ROBO2: variants seen among roughly 807,000 people sequenced by gnomAD.
ROBO2 encodes roundabout guidance receptor 2.
In ROBO2, 53 loss-of-function variants were observed where a neutral mutation model predicts 160.8. The observed-to-expected ratio is 0.33, with a 90% confidence interval of 0.26 to 0.41. The LOEUF is 0.41. ROBO2 is among the 10% of genes least tolerant of loss of function. The pLI is 1.00. For missense variants in ROBO2, 1,577 were observed against 1,722.4 expected (o/e 0.92, Z 1.49); for synonymous variants, 664 against 611.7 (o/e 1.09, Z -1.26).
chr3:76,647,206 G>C (rs984508802), intron 2 of ROBO2, among the ~76,000 whole-genome samples: 4 of 152,152 alleles, frequency 2.6e-5, no homozygotes, highest in Non-Finnish European at 5.9e-5. Flanking sequence ...GTGTCTCTGA[G>C]GGGGGCTATG....
chr3:76,578,026 GTGTTT>G (rs2085416967), intron 2 of ROBO2, among the ~76,000 whole-genome samples: 1 of 152,040 alleles, frequency 6.6e-6, no homozygotes, highest in Non-Finnish European at 1.5e-5. Context: ...TACAAAACTA[GTGTTT>G]TGCCAATTAA....
At chr3:76,267,682 T>G (rs2107615398) in intron 2 of ROBO2, among the ~76,000 whole-genome samples, 1 of 152,286 alleles carries the variant, frequency 6.6e-6, no homozygotes, top group African/African-American at 2.4e-5. Context: ...TTAAATTCTA[T>G]TAGACTAGTA....
intron 2 of ROBO2, among the ~76,000 whole-genome samples, chr3:75,995,182 G>A (rs970037303): frequency 1.3e-5 from 2 of 152,204 alleles, no homozygotes; most frequent in Admixed American, 1.3e-4. Flanking sequence ...CAAGACAGTA[G>A]GGAAAATGTC....
chr3:75,920,239 C>T (rs1428117432), intron 1 of ROBO2, among the ~76,000 whole-genome samples: 1 of 152,148 alleles, frequency 6.6e-6, no homozygotes, highest in Non-Finnish European at 1.5e-5. Context: ...TCTTTGTTCT[C>T]ATTGGTTTCA....
intron 6 of ROBO2, among the ~76,000 whole-genome samples, chr3:77,543,155 C>CT (rs200560593): frequency 0.015 from 2,203 of 151,564 alleles, 59 homozygotes; most frequent in African/African-American, 0.051. Flanking sequence ...CAGCTTTTCT[C>CT]TTTTTTTTTC....
chr3:76,595,514 A>G (rs2086681406), intron 2 of ROBO2, among the ~76,000 whole-genome samples: 1 of 152,058 alleles, frequency 6.6e-6, no homozygotes, highest in African/African-American at 2.4e-5. Context: ...CAGACTTTTC[A>G]AAGACAACAT....
chr3:77,370,876 A>G (rs546959368), intron 2 of ROBO2, among the ~76,000 whole-genome samples: 1 of 152,242 alleles, frequency 6.6e-6, no homozygotes, highest in East Asian at 1.9e-4. Context: ...ATCGTAAAAT[A>G]TTTACTCTCT....
intron 2 of ROBO2, among the ~76,000 whole-genome samples, chr3:76,083,501 GA>G (rs1169103512): frequency 2.0e-5 from 3 of 151,610 alleles, no homozygotes; most frequent in Admixed American, 1.3e-4. Flanking sequence ...GCATGGGAAG[GA>G]AAAAAAATAC....
intron 2 of ROBO2, among the ~76,000 whole-genome samples, chr3:76,885,174 G>A (rs2073754543): frequency 6.6e-6 from 1 of 152,156 alleles, no homozygotes; most frequent in Non-Finnish European, 1.5e-5. Flanking sequence ...CCATAGATAT[G>A]TAACAGTGTT....
intron 4 of ROBO2, among the ~76,000 whole-genome samples, chr3:77,487,989 TAAG>T (rs1281998704): frequency 1.3e-5 from 2 of 152,188 alleles, no homozygotes; most frequent in South Asian, 4.1e-4. Context: ...CTAAGTAACT[TAAG>T]AGATACTATG....
intron 2 of ROBO2, among the ~76,000 whole-genome samples, chr3:76,574,094 T>C (rs993053160): frequency 6.6e-6 from 1 of 152,116 alleles, no homozygotes; most frequent in African/African-American, 2.4e-5. Flanking sequence ...TTAATACACA[T>C]TATTTTCCGT....
chr3:76,316,964 C>G (rs1052804011), intron 2 of ROBO2, among the ~76,000 whole-genome samples: 1 of 152,214 alleles, frequency 6.6e-6, no homozygotes, highest in African/African-American at 2.4e-5. Context: ...AACCACTACA[C>G]TAGTTCTAAC....
chr3:76,008,795 G>T (rs2066106193), intron 2 of ROBO2, among the ~76,000 whole-genome samples: 1 of 151,926 alleles, frequency 6.6e-6, no homozygotes, highest in Non-Finnish European at 1.5e-5. Context: ...ACAAAAGACA[G>T]TTTAACAAGA....
intron 2 of ROBO2, among the ~76,000 whole-genome samples, chr3:76,539,124 C>T (rs1039141802): frequency 1.3e-5 from 2 of 152,036 alleles, no homozygotes; most frequent in Admixed American, 1.3e-4. Context: ...CGTTCTCACT[C>T]ATAAGTGGGA....
intron 2 of ROBO2, among the ~76,000 whole-genome samples, chr3:76,063,820 T>G (rs2068149079): frequency 6.6e-6 from 1 of 152,182 alleles, no homozygotes; most frequent in Admixed American, 6.5e-5. Flanking sequence ...TTAAGTGGAA[T>G]TGGTGTGTGT....
chr3:76,141,562 GA>G (rs2071671643), intron 2 of ROBO2, among the ~76,000 whole-genome samples: 1 of 151,610 alleles, frequency 6.6e-6, no homozygotes, highest in Admixed American at 6.6e-5. Context: ...AAATAATTTG[GA>G]AAGCAAGTTA....
intron 2 of ROBO2, among the ~76,000 whole-genome samples, chr3:76,986,919 T>A (rs752131687): frequency 5.3e-5 from 8 of 152,152 alleles, no homozygotes; most frequent in Non-Finnish European, 1.0e-4. Context: ...AGAAAGACCA[T>A]GCCAAATTAA....
chr3:77,123,688 C>CATAT (rs36130347), intron 2 of ROBO2, among the ~76,000 whole-genome samples: 4 of 148,336 alleles, frequency 2.7e-5, no homozygotes, highest in African/African-American at 4.9e-5. Flanking sequence ...CAGCAGCTTT[C>CATAT]ATATATATAT....
At chr3:77,287,225 C>A (rs754694792) in intron 2 of ROBO2, among the ~76,000 whole-genome samples, 1 of 152,212 alleles carries the variant, frequency 6.6e-6, no homozygotes, top group Middle Eastern at 3.2e-3. Flanking sequence ...TCTATGCACA[C>A]ATGCTACCAT....
Sources: gnomAD v4.1 joint callset for allele counts (sites outside exome capture counted in the v4.1 genomes callset) on GRCh38, gnomAD v4.1.1 for gene constraint, MANE v1.5 for transcripts, NCBI Gene and HGNC (gene_info 2026-07-23, HGNC 2026-07-21) for gene names.